Variants in FHIT observed in about 807,000 individuals in gnomAD.
The protein encoded by FHIT is bis(5'-adenosyl)-triphosphatase.
In FHIT, 19 loss-of-function variants were observed where a neutral mutation model predicts 17.9. The ratio of observed to expected loss-of-function variants is 1.06; its 90% CI spans 0.74 to 1.56. The LOEUF (loss-of-function observed/expected upper bound fraction) is 1.56. Ranked by LOEUF, FHIT falls within the 40% of genes most tolerant of loss-of-function variation. The probability of loss-of-function intolerance (pLI) is 0.00; values close to 1 mark genes in which losing one functional copy is unlikely to be tolerated. For missense variants in FHIT, 248 were observed against 189.2 expected (o/e 1.31, Z -1.82); for synonymous variants, 81 against 69.7 (o/e 1.16, Z -0.81).
chr3:60,567,932 G>A (rs988184976), intron 4 of FHIT, among the ~76,000 whole-genome samples: 4 of 152,144 alleles, frequency 2.6e-5, no homozygotes, highest in Admixed American at 6.6e-5. Context: ...CAGTTAGAAT[G>A]GCAATCATTA....
intron 7 of FHIT, among the ~76,000 whole-genome samples, chr3:59,948,835 G>GT (rs113121652): frequency 3.8e-4 from 56 of 148,008 alleles, no homozygotes; most frequent in Admixed American, 8.7e-4. Context: ...CTATCATAAA[G>GT]TTTTTTTTTT....
At chr3:60,723,994 A>G (rs180952559) in intron 4 of FHIT, among the ~76,000 whole-genome samples, 2 of 152,360 alleles carry the variant, frequency 1.3e-5, no homozygotes, top group Admixed American at 6.5e-5. Flanking sequence ...TTTTAGAGAT[A>G]TAATTCACAT....
At chr3:60,189,845 T>C (rs1702324904) in intron 5 of FHIT, among the ~76,000 whole-genome samples, 1 of 152,190 alleles carries the variant, frequency 6.6e-6, no homozygotes. Context: ...TCGGAGTTGG[T>C]TGGTTAGGTT....
chr3:60,213,014 G>A (rs190343949), intron 5 of FHIT, among the ~76,000 whole-genome samples: 2 of 152,246 alleles, frequency 1.3e-5, no homozygotes, highest in African/African-American at 4.8e-5. Context: ...AAAAGCAAGA[G>A]AGGGATCTGT....
intron 3 of FHIT, among the ~76,000 whole-genome samples, chr3:60,881,974 A>C (rs1292070574): frequency 6.6e-6 from 1 of 152,014 alleles, no homozygotes; most frequent in Non-Finnish European, 1.5e-5. Context: ...TTTTGAAAAG[A>C]TAACAAAATT....
intron 4 of FHIT, among the ~76,000 whole-genome samples, chr3:60,633,107 A>G (rs1456953399): frequency 6.6e-6 from 1 of 152,238 alleles, no homozygotes; most frequent in African/African-American, 2.4e-5. Flanking sequence ...CCACAAGCCT[A>G]AACAAAATCT....
intron 4 of FHIT, among the ~76,000 whole-genome samples, chr3:60,737,170 C>T (rs1227972943): frequency 6.6e-5 from 10 of 152,206 alleles, no homozygotes; most frequent in Admixed American, 5.9e-4. Flanking sequence ...CACCCTTTCA[C>T]AGCTGTATCA....
chr3:60,158,902 C>G (rs543519004), intron 5 of FHIT, among the ~76,000 whole-genome samples: 1 of 152,246 alleles, frequency 6.6e-6, no homozygotes, highest in East Asian at 1.9e-4. Context: ...CTGAGATATG[C>G]TATGGTTCTC....
At chr3:60,161,249 A>C (rs1016889144) in intron 5 of FHIT, among the ~76,000 whole-genome samples, 7 of 152,238 alleles carry the variant, frequency 4.6e-5, no homozygotes, top group African/African-American at 1.7e-4. Flanking sequence ...ATGGCTGAAA[A>C]GCCTGTGGCA....
chr3:60,182,370 G>T (rs1701975007), intron 5 of FHIT, among the ~76,000 whole-genome samples: 1 of 152,188 alleles, frequency 6.6e-6, no homozygotes, highest in African/African-American at 2.4e-5. Context: ...TGAGAGCACT[G>T]CCTATTAGCA....
At chr3:60,146,362 T>C (rs1279358905) in intron 5 of FHIT, among the ~76,000 whole-genome samples, 1 of 151,980 alleles carries the variant, frequency 6.6e-6, no homozygotes, top group Non-Finnish European at 1.5e-5. Flanking sequence ...TAGGCTATTG[T>C]ATGCTGGGAT....
At position 60,059,917 on chromosome 3, in the gene FHIT, C is replaced by A. The variant is rs116317070; in HGVS notation, c.104-45765G>T. On this transcript the variant is annotated intron_variant, in intron 5 of 9. Transcript: ENST00000492590. ...CTTCAACAGGTCTTCATGGGGTGAT[C>A]ACATCATGTGTCATCCATAGAGGGT... is the stretch of plus-strand genomic sequence containing the variant. Among the ~76,000 whole-genome samples the A allele has an allele frequency of 9.9e-3, 1,507 of 152,318 alleles. 29 individuals are homozygous for A. Among genetic ancestry groups the A allele is most frequent in the African/African-American group, 0.033 (1,359 of 41,572 alleles).
intron 2 of FHIT, among the ~76,000 whole-genome samples, chr3:61,069,526 G>T (rs2106733402): frequency 6.6e-6 from 1 of 152,242 alleles, no homozygotes; most frequent in African/African-American, 2.4e-5. Flanking sequence ...AGCATATGTA[G>T]TTACTAACCA....
At chr3:61,124,421 C>A (rs1410090010) in intron 2 of FHIT, among the ~76,000 whole-genome samples, 1 of 152,052 alleles carries the variant, frequency 6.6e-6, no homozygotes, top group Admixed American at 6.6e-5. Context: ...AAATGCTTAA[C>A]AACGGCTGGT....
At chr3:60,006,760 T>C (rs9879175) in intron 7 of FHIT, among the ~76,000 whole-genome samples, 8,868 of 152,142 alleles carry the variant, frequency 0.058, 516 homozygotes, top group African/African-American at 0.15. Context: ...GAACCTCTGA[T>C]GCCAAAGTAT....
intron 5 of FHIT, among the ~76,000 whole-genome samples, chr3:60,509,175 C>T (rs1160450552): frequency 6.6e-6 from 1 of 152,152 alleles, no homozygotes; most frequent in South Asian, 2.1e-4. Context: ...AGGAATGTGA[C>T]TCTTGGCGAT....
intron 1 of FHIT, among the ~76,000 whole-genome samples, chr3:61,224,847 T>C (rs1271032723): frequency 6.6e-6 from 1 of 152,198 alleles, no homozygotes; most frequent in Non-Finnish European, 1.5e-5. Context: ...ACATACAGTG[T>C]GGATGGACAC....
chr3:59,867,876 T>G (rs1178366742), intron 8 of FHIT, among the ~76,000 whole-genome samples: 1 of 151,986 alleles, frequency 6.6e-6, no homozygotes, highest in Non-Finnish European at 1.5e-5. Flanking sequence ...GGCAGAGTAC[T>G]CTAATAACCT....
intron 5 of FHIT, among the ~76,000 whole-genome samples, chr3:60,434,437 T>A (rs1241840846): frequency 6.6e-6 from 1 of 152,080 alleles, no homozygotes. Context: ...TCCTGTGAGA[T>A]GAGGGATGGC....
Sources: gnomAD v4.1 joint callset for allele counts (sites outside exome capture counted in the v4.1 genomes callset) on GRCh38, gnomAD v4.1.1 for gene constraint, MANE v1.5 for transcripts, NCBI Gene and HGNC (gene_info 2026-07-23, HGNC 2026-07-21) for gene names.